Variants in FSTL4 observed in about 807,000 individuals in gnomAD.
FSTL4 encodes follistatin like 4, also known as follistatin-related protein 4.
In FSTL4, 28 loss-of-function variants were observed where a neutral mutation model predicts 78.2. That is an observed-to-expected ratio of 0.36 (90% CI 0.27 to 0.49). FSTL4 has a LOEUF of 0.49. Ranked by LOEUF, FSTL4 falls within the 20% of genes least tolerant of loss-of-function variation. The pLI is 0.98. For synonymous variants in FSTL4, 422 were observed against 440.5 expected, an observed-to-expected ratio of 0.96 and a Z score of 0.53; for missense variants, 922 against 1,084.9, an observed-to-expected ratio of 0.85 and a Z score of 2.11.
chr5:133,329,950 G>A (rs951832453), intron 4 of FSTL4, among the ~76,000 whole-genome samples: 1 of 152,158 alleles, frequency 6.6e-6, no homozygotes, highest in African/African-American at 2.4e-5. Context: ...GGCATTCCAA[G>A]GATGCACCTC....
intron 1 of FSTL4, 148 bp from the exon 2 acceptor site, chr5:133,604,141 T>C (rs973675821): frequency 9.9e-6 from 6 of 607,550 alleles, no homozygotes; most frequent in African/African-American, 5.5e-5. Context: ...AGAGGTTATA[T>C]TACTTCTGAG....
rs369411023 is a variant in FSTL4 at position 133,210,266 on chromosome 5, C to T, written c.1641G>A (p.Leu547=). 3.7e-5 allele frequency: 60 copies of T among 1,611,654 alleles called. No homozygotes were observed. Among genetic ancestry groups the T allele is most frequent in the African/African-American group, 6.7e-5 (5 of 74,710 alleles). The part of the protein sequence containing the change: ...SIGVDPLPAK[L]SYDKSHDQVW... ...CTTGGTCATGTGACTTGTCATAGGA[C>T]AGCTTAGCCGGCAGAGGGTCCACAC... The change falls in exon 14 of 16, where the codon CTG becomes CTA. Residue 547 remains leucine, a synonymous_variant. Coordinates refer to ENST00000265342, the MANE Select transcript of FSTL4 (RefSeq NM_015082.2).
the FSTL4 span, among the ~76,000 whole-genome samples, chr5:133,648,975 C>T: frequency 1.3e-5 from 2 of 152,158 alleles, no homozygotes; most frequent in East Asian, 3.8e-4. Flanking sequence ...ATTATAGTAT[C>T]ATACAAAGTA....
chr5:133,506,714 T>G (rs1758618887), intron 3 of FSTL4, among the ~76,000 whole-genome samples: 1 of 152,088 alleles, frequency 6.6e-6, no homozygotes, highest in East Asian at 1.9e-4. Flanking sequence ...CAAACAAAAG[T>G]GAGAATTAGG....
chr5:133,725,071 T>C, the FSTL4 span, among the ~76,000 whole-genome samples: 1 of 152,242 alleles, frequency 6.6e-6, no homozygotes, highest in Non-Finnish European at 1.5e-5. Context: ...CATTGATCTA[T>C]GTGTCCATAT....
chr5:133,573,168 C>T (rs180889033), intron 2 of FSTL4, among the ~76,000 whole-genome samples: 3 of 151,828 alleles, frequency 2.0e-5, no homozygotes, highest in Admixed American at 6.6e-5. Context: ...GGCGTGAACC[C>T]GGGAGGCAGA....
the FSTL4 span, among the ~76,000 whole-genome samples, chr5:133,832,295 C>T: frequency 6.3e-3 from 953 of 152,266 alleles, 7 homozygotes; most frequent in African/African-American, 0.021. Context: ...AGACGATTTA[C>T]AGTATTAAAT....
intron 6 of FSTL4, among the ~76,000 whole-genome samples, chr5:133,285,505 C>G (rs1753108966): frequency 6.6e-6 from 1 of 152,184 alleles, no homozygotes; most frequent in Non-Finnish European, 1.5e-5. Context: ...ATATTACCCT[C>G]AGAACTGCCA....
the FSTL4 span, among the ~76,000 whole-genome samples, chr5:133,699,750 G>A: frequency 1.3e-4 from 20 of 151,900 alleles, no homozygotes; most frequent in East Asian, 2.9e-3. Context: ...GTGCAGTGGC[G>A]GGCACCTGTA....
At chr5:133,756,594 G>A in the FSTL4 span, among the ~76,000 whole-genome samples, 2 of 152,208 alleles carry the variant, frequency 1.3e-5, no homozygotes, top group African/African-American at 4.8e-5. Flanking sequence ...AGGGGCTTCT[G>A]CATACCCCAC....
At chr5:133,381,690 T>C (rs1755576326) in intron 4 of FSTL4, among the ~76,000 whole-genome samples, 2 of 152,262 alleles carry the variant, frequency 1.3e-5, no homozygotes, top group Non-Finnish European at 2.9e-5. Flanking sequence ...CTGTATGCCA[T>C]ACGTCATAAT....
chr5:133,639,813 G>GT, the FSTL4 span, among the ~76,000 whole-genome samples: 1 of 152,162 alleles, frequency 6.6e-6, no homozygotes, highest in African/African-American at 2.4e-5. Context: ...TCGGGGTTGA[G>GT]CTTGCATGCA....
At chr5:133,748,980 A>G in the FSTL4 span, among the ~76,000 whole-genome samples, 1 of 152,204 alleles carries the variant, frequency 6.6e-6, no homozygotes, top group Non-Finnish European at 1.5e-5. Context: ...GCATGAAACT[A>G]TGAACATATA....
At chr5:133,779,087 G>T in the FSTL4 span, among the ~76,000 whole-genome samples, 1 of 152,192 alleles carries the variant, frequency 6.6e-6, no homozygotes, top group South Asian at 2.1e-4. Flanking sequence ...TCTTAGACCT[G>T]CTATGACTTT....
At chr5:133,614,014 A>G (rs1342384206), upstream of FSTL4, among the ~76,000 whole-genome samples, 1 of 152,204 alleles carries the variant, frequency 6.6e-6, no homozygotes, top group East Asian at 1.9e-4. Flanking sequence ...GGGAAACAGA[A>G]AAGAGAAAAT....
At chr5:133,237,324 C>T (rs1159324898) in intron 7 of FSTL4, among the ~76,000 whole-genome samples, 1 of 152,186 alleles carries the variant, frequency 6.6e-6, no homozygotes, top group African/African-American at 2.4e-5. Flanking sequence ...CATGGATTCC[C>T]ACCCGCTACT....
At chr5:133,261,594 C>T (rs766948455) in intron 6 of FSTL4, among the ~76,000 whole-genome samples, 12 of 152,146 alleles carry the variant, frequency 7.9e-5, no homozygotes, top group South Asian at 2.1e-4. Context: ...GCGGTGCTCA[C>T]GCCTGGAATC....
At chr5:133,277,139 C>A (rs1752901753) in intron 6 of FSTL4, among the ~76,000 whole-genome samples, 1 of 152,094 alleles carries the variant, frequency 6.6e-6, no homozygotes, top group African/African-American at 2.4e-5. Flanking sequence ...TGGTGAAACC[C>A]TGTCTCTACT....
the FSTL4 span, among the ~76,000 whole-genome samples, chr5:133,807,860 G>A: frequency 2.6e-5 from 4 of 152,182 alleles, no homozygotes; most frequent in African/African-American, 7.2e-5. Flanking sequence ...TTCTCCTCAC[G>A]CTTACGATGG....
Sources: allele counts gnomAD v4.1 joint callset (sites outside exome capture counted in the v4.1 genomes callset), GRCh38; gene constraint gnomAD v4.1.1; transcripts MANE v1.5; gene names NCBI Gene and HGNC (gene_info 2026-07-23, HGNC 2026-07-21).